COX7A2L: variants seen among roughly 807,000 people sequenced by gnomAD.
COX7A2L encodes the protein cytochrome c oxidase subunit 7A2-like, mitochondrial.
Under a neutral mutation model 14.2 loss-of-function variants are expected in COX7A2L, and 18 were observed. The observed-to-expected ratio is 1.27, with a 90% CI of 0.88 to 1.88. COX7A2L has a LOEUF of 1.88. Among genes scored for constraint, COX7A2L ranks in the 40% most tolerant of loss-of-function variants. COX7A2L has a pLI of 0.00. For synonymous variants in COX7A2L, 65 were observed against 57.4 expected, an observed-to-expected ratio of 1.13 and a Z score of -0.60; for missense variants, 179 against 138.8, an observed-to-expected ratio of 1.29 and a Z score of -1.46.
downstream of COX7A2L, among the ~76,000 whole-genome samples, chr2:42,346,759 CA>C (rs112749411): frequency 5.8e-4 from 78 of 134,110 alleles, no homozygotes; most frequent in East Asian, 6.4e-4. Context: ...GACCCTGTCT[CA>C]AAAAAAAAAA....
downstream of COX7A2L, among the ~76,000 whole-genome samples, chr2:42,345,280 G>A (rs1670473138): frequency 6.6e-6 from 1 of 152,072 alleles, no homozygotes; most frequent in East Asian, 1.9e-4. Context: ...CTACTCAGGA[G>A]GCTGAGGCAG....
intron 1 of COX7A2L, among the ~76,000 whole-genome samples, chr2:42,353,738 T>C (rs1299713500): frequency 6.6e-6 from 1 of 152,030 alleles, no homozygotes; most frequent in Non-Finnish European, 1.5e-5. Context: ...AATAAAGAAA[T>C]ATTCAATGTG....
intron 1 of COX7A2L, among the ~76,000 whole-genome samples, chr2:42,367,457 C>G (rs930935232): frequency 1.3e-5 from 2 of 151,786 alleles, no homozygotes; most frequent in Admixed American, 6.6e-5. Context: ...ATGGACAGGT[C>G]TGTAGTCTAG....
intron 1 of COX7A2L, among the ~76,000 whole-genome samples, chr2:42,355,439 G>T (rs1670784595): frequency 6.6e-6 from 1 of 152,276 alleles, no homozygotes; most frequent in East Asian, 1.9e-4. Flanking sequence ...GGACTAATGT[G>T]AGAGTATTTT....
rs1261046277 is a variant in COX7A2L, at chr2:42,339,008, C to G, written c.193-5139G>C. ...TCTGATCACTGGCTGGAGCCTGCAT[C>G]ACAGTCACCCGTGTTTGCACTGGAA... On this transcript the variant is annotated intron_variant, in intron 2 of 2. Transcript: ENST00000468711. The surrounding 1 kb of genome is among the most constrained non-coding windows in gnomAD (Gnocchi z 5.4). Among the ~76,000 whole-genome samples the G allele has an allele frequency of 2.0e-5, 3 of 152,202 alleles. No homozygotes were observed. The highest frequency in any genetic ancestry group is 2.9e-5 in the Non-Finnish European group (2 of 68,034).
At chr2:42,348,656 C>T (rs1191945593), downstream of COX7A2L, among the ~76,000 whole-genome samples, 2 of 152,146 alleles carry the variant, frequency 1.3e-5, no homozygotes, top group African/African-American at 2.4e-5. Context: ...CGGTGACTCA[C>T]GCCTGTAATC....
In COX7A2L at chr2:42,338,079, GA is replaced by G. The variant is rs895558300; in HGVS notation, c.193-4211del. Among the ~76,000 whole-genome samples, 2 of 152,172 alleles carry G rather than the reference GA, an allele frequency of 1.3e-5. No individual in the cohort carries two copies. The highest frequency in any genetic ancestry group is 4.8e-5 in the African/African-American group (2 of 41,446). On this transcript the variant is annotated intron_variant, in intron 2 of 2. Coordinates refer to the COX7A2L transcript ENST00000468711. The surrounding 1 kb of genome is among the most constrained non-coding windows in gnomAD (Gnocchi z 4.4). The stretch of plus-strand genomic sequence containing the variant: ...ACCATAGGGACAAGAGACGACCCGG[GA>G]GCACTAAGAATTCATCTTCTGGTCC...
At chr2:42,368,320 A>G (rs1572807511) in intron 1 of COX7A2L, among the ~76,000 whole-genome samples, 1 of 152,358 alleles carries the variant, frequency 6.6e-6, no homozygotes, top group East Asian at 1.9e-4. Flanking sequence ...GAGCATTACA[A>G]AAATCTCTGT....
chr2:42,356,718 G>C (rs1670830055), intron 1 of COX7A2L, among the ~76,000 whole-genome samples: 1 of 152,188 alleles, frequency 6.6e-6, no homozygotes, highest in Admixed American at 6.5e-5. Flanking sequence ...CTTGACTCAG[G>C]AGTTTGAGAT....
At chr2:42,362,771 CAA>C (rs1454982816), upstream of COX7A2L, among the ~76,000 whole-genome samples, 1 of 150,810 alleles carries the variant, frequency 6.6e-6, no homozygotes, top group Non-Finnish European at 1.5e-5. Flanking sequence ...GCCACTTTTA[CAA>C]AGAGACACTG....
chr2:42,339,591 C>T lies in COX7A2L; in HGVS notation c.193-5722G>A, dbSNP rs972322745. Among the ~76,000 whole-genome samples the T allele has an allele frequency of 2.6e-5, 4 of 152,120 alleles. No individual in the cohort carries two copies. Among genetic ancestry groups the T allele is most frequent in the Non-Finnish European group, 4.4e-5 (3 of 68,010 alleles). ...TTCTGCCCTTCCTCCCTCCCTTTAT[C>T]CCTCCCTCCTGCCTTGCTTTCCTCC... On this transcript the variant is annotated intron_variant, in intron 2 of 2. Coordinates refer to the COX7A2L transcript ENST00000468711. The surrounding 1 kb of genome is among the most constrained non-coding windows in gnomAD (Gnocchi z 5.4).
intron 1 of COX7A2L, among the ~76,000 whole-genome samples, chr2:42,358,765 T>C (rs971783304): frequency 2.0e-5 from 3 of 152,202 alleles, no homozygotes; most frequent in African/African-American, 2.4e-5. Context: ...TATTACAATA[T>C]GCCAGTTTTT....
chr2:42,347,648 G>A (rs529540519), downstream of COX7A2L, among the ~76,000 whole-genome samples: 256 of 152,298 alleles, frequency 1.7e-3, 1 homozygote, highest in African/African-American at 5.9e-3. Flanking sequence ...TTGGCCGGGC[G>A]TGGTGGCTCA....
At position 42,353,314 on chromosome 2, in the gene COX7A2L, T is replaced by C; in HGVS notation, c.102A>G (p.Ala34=). The C allele has an allele frequency of 1.2e-6, 2 of 1,614,058 alleles. No individual in the cohort carries two copies. The highest frequency in any genetic ancestry group is 1.7e-6 in the Non-Finnish European group (2 of 1,179,974). Residue 34 remains alanine, a synonymous_variant, in exon 2 of 3, where the codon GCA becomes GCG. Transcript: ENST00000234301. ...TTGGTGTGGCAAATATGATAGGTGG[T>C]GCTTCTGTGGAAACCACAGGCTTTA... ...QGLKPVVSTE[A]PPIIFATPTK... is the part of the protein sequence containing the mutation.
downstream of COX7A2L, among the ~76,000 whole-genome samples, chr2:42,346,894 T>A (rs1670507568): frequency 6.6e-6 from 1 of 152,242 alleles, no homozygotes; most frequent in South Asian, 2.1e-4. Context: ...ACTTTGCCCA[T>A]TTATCTCCAG....
intron 1 of COX7A2L, chr2:42,360,843 T>G (rs926930137): frequency 9.1e-6 from 5 of 549,356 alleles, no homozygotes; most frequent in Non-Finnish European, 1.3e-5. Flanking sequence ...GGGGGTCACC[T>G]TGACCCCTGC....
upstream of COX7A2L, among the ~76,000 whole-genome samples, chr2:42,364,399 A>G (rs547781323): frequency 2.0e-5 from 3 of 152,282 alleles, no homozygotes; most frequent in Admixed American, 6.5e-5. Context: ...TGGAACATAC[A>G]TAGTGCAATG....
chr2:42,357,313 G>C (rs1355464419), intron 1 of COX7A2L, among the ~76,000 whole-genome samples: 1 of 151,998 alleles, frequency 6.6e-6, no homozygotes. Flanking sequence ...TTGGCTTTTT[G>C]TTTTGTTTTG....
At chr2:42,344,224 C>CG (rs1462138555) in intron 2 of COX7A2L, among the ~76,000 whole-genome samples, 3 of 152,304 alleles carry the variant, frequency 2.0e-5, no homozygotes, top group East Asian at 1.9e-4. Context: ...ATGTATCCAA[C>CG]GGAATGTAAC....
Sources: allele counts gnomAD v4.1 joint callset (sites outside exome capture counted in the v4.1 genomes callset), GRCh38; gene constraint gnomAD v4.1.1; non-coding constraint Gnocchi (gnomAD v3.1); transcripts MANE v1.5; gene names NCBI Gene and HGNC (gene_info 2026-07-23, HGNC 2026-07-21).